Variants in KLC3 observed in about 807,000 individuals in gnomAD.
KLC3 encodes the protein kinesin light chain 3, also known as kinesin light chain 2.
A neutral mutation model predicts 62.9 loss-of-function variants in KLC3; 72 were observed. The observed-to-expected ratio is 1.15, with a 90% CI of 0.95 to 1.39. KLC3 has a LOEUF of 1.39. Ranked by LOEUF, KLC3 falls within the 40% of genes most tolerant of loss-of-function variation. The probability of loss-of-function intolerance (pLI) is 0.00; values close to 1 mark genes in which losing one functional copy is unlikely to be tolerated. For missense variants in KLC3, 848 were observed against 691.6 expected, an observed-to-expected ratio of 1.23 and a Z score of -2.54; for synonymous variants, 377 against 300.5, an observed-to-expected ratio of 1.25 and a Z score of -2.63.
Position 45,350,948 on chromosome 19 carries a change from TTGCAGAA to T in KLC3, c.1380-3_1383del. 6.2e-6 allele frequency: 10 copies of T among 1,613,862 alleles called. No individual in the cohort carries two copies. Among genetic ancestry groups the T allele is most frequent in the Non-Finnish European group, 7.6e-6 (9 of 1,179,854 alleles). On this transcript the variant is annotated splice_acceptor_variant and splice_polypyrimidine_tract_variant and coding_sequence_variant and intron_variant, in exon 12 of 13. Transcript: ENST00000391946. LOFTEE classifies it high-confidence loss of function. ...ACTCATTTCCTCCCTGCTGCCCTCT[TTGCAGAA>T]TGAAGAGAGCCATGTCACTCAACAC...
intron 12 of KLC3, 39 bp from the exon 13 acceptor site, chr19:45,351,243 GCCCC>G: frequency 6.4e-7 from 1 of 1,571,250 alleles, no homozygotes; most frequent in Non-Finnish European, 8.6e-7. Flanking sequence ...TGTAACACTT[GCCCC>G]TCACCTCCCC....
In KLC3 at chr19:45,349,418, CT is replaced by C. The variant is rs374420988; in HGVS notation, c.970-10del. The stretch of plus-strand genomic sequence containing the variant: ...GTATGATCCCTCTGACTTGTGACCC[CT>C]GGCCCCCAGGTCCTGGGTGCTGACC... On this transcript the variant is annotated splice_polypyrimidine_tract_variant and intron_variant, in intron 7 of 12. Transcript: ENST00000391946. 90 of 1,596,148 alleles carry C rather than the reference CT, an allele frequency of 5.6e-5. 3 individuals carry two copies. In the African/African-American group the frequency reaches 6.2e-4, roughly 11 times the overall value.
chr19:45,345,531 C>G lies in KLC3; in HGVS notation c.-8-3C>G. ...CCCCAAACCCCTCACCATTGCTCCC[C>G]AGGAGCAGCAATGTCTGTGCAGGTA... On this transcript the variant is annotated splice_polypyrimidine_tract_variant and splice_region_variant and intron_variant, in intron 1 of 12. Transcript: ENST00000391946. 1 of 1,560,190 alleles carries G rather than the reference C, an allele frequency of 6.4e-7. No individual in the cohort carries two copies. The highest frequency in any genetic ancestry group is 2.4e-5 in the East Asian group (1 of 41,822).
rs375385003 is a variant in KLC3 at position 45,346,795 on chromosome 19, C to A, written c.489+21C>A. ...GCCAGGTGCCACGGGCAGGGCGAGG[C>A]GGGGGGTGCTGGGCCCTTCATAGAG... On this transcript the variant is annotated intron_variant, in intron 3 of 12. Coordinates refer to ENST00000391946, the MANE Select transcript of KLC3 (RefSeq NM_177417.3). The A allele has an allele frequency of 4.5e-6, 7 of 1,551,746 alleles. No homozygotes were observed. The Admixed American group carries it at 1.2e-4, about 26-fold the overall frequency.
Position 45,348,642 on chromosome 19 carries a change from A to G in KLC3, c.780-4A>G, listed in dbSNP as rs1431577439. ...CCCCTCCATTCCTGGGGCGCCCCCC[A>G]CAGGGACCAGAACAAGTACAAAGAA... On this transcript the variant is annotated splice_polypyrimidine_tract_variant and splice_region_variant and intron_variant, in intron 5 of 12. Transcript: ENST00000391946. 1 of 1,570,816 alleles carries G rather than the reference A, an allele frequency of 6.4e-7. No homozygotes were observed. Among genetic ancestry groups the G allele is most frequent in the Admixed American group, 1.9e-5 (1 of 53,504 alleles).
At chr19:45,351,158 ATGGGTTTTACT>A in intron 12 of KLC3, 117 bp from the exon 13 acceptor site, 1 of 1,591,548 alleles carries the variant, frequency 6.3e-7, no homozygotes, top group South Asian at 1.1e-5. Context: ...AGGAGCAAAG[ATGGGTTTTACT>A]TGGGGTAGAG....
chr19:45,342,694 G>T (rs929286392), intron 1 of KLC3, among the ~76,000 whole-genome samples: 1 of 152,122 alleles, frequency 6.6e-6, no homozygotes, highest in Non-Finnish European at 1.5e-5. Flanking sequence ...TGAACCTGGG[G>T]AGGTGGAGAT....
rs1277330316 is a variant in KLC3 at position 45,346,691 on chromosome 19, T to C, written c.406T>C (p.Ser136Pro). Reference sequence around the variant, plus strand: ...GCGGCGGCTTCGGGCCAGCGAGGAGTCCGTGGCCCAGCTGGAGGAGGAGAA... The same window carrying C: ...GCGGCGGCTTCGGGCCAGCGAGGAGCCCGTGGCCCAGCTGGAGGAGGAGAA... Reference protein sequence around the residue: ...TQRRLRASEESVAQLEEEKRH... With the variant: ...TQRRLRASEEPVAQLEEEKRH... The change falls in exon 3 of 13, where the codon TCC (serine) becomes CCC (proline). Residue 136 changes from serine to proline, a missense_variant. Coordinates refer to ENST00000391946, the MANE Select transcript of KLC3 (RefSeq NM_177417.3). 1.6e-5 allele frequency: 25 copies of C among 1,566,160 alleles called. No homozygotes were observed. Among genetic ancestry groups the C allele is most frequent in the African/African-American group, 2.7e-5 (2 of 73,072 alleles).
Position 45,340,798 on chromosome 19 carries a change from G to GCGACTGAT in KLC3, c.-54_-47dup, listed in dbSNP as rs1230938265. On this transcript the variant is annotated 5_prime_UTR_variant, in exon 1 of 13. Transcript: ENST00000391946. ...GCGGGGCGTGCCTGGCCTGCGGGAC[G>GCGACTGAT]CGACTGATCGCAGTGGGGCGAAGCG... is the stretch of plus-strand genomic sequence containing the variant. 9.9e-5 allele frequency: 15 copies of GCGACTGAT among 152,218 alleles called. No individual in the cohort carries two copies. Among genetic ancestry groups the GCGACTGAT allele is most frequent in the Admixed American group, 2.0e-4 (3 of 15,294 alleles). The allele number at this position is 152,218 out of a possible 1,614,324, so 9.4% of individuals were successfully genotyped here.
chr19:45,349,399 T>G, intron 7 of KLC3, 30 bp from the exon 8 acceptor site: 1 of 1,577,134 alleles, frequency 6.3e-7, no homozygotes, highest in Non-Finnish European at 8.6e-7. Context: ...TCCTGTATGA[T>G]CCCTCTGACT....
chr19:45,350,275 GGC>G, intron 8 of KLC3, 64 bp from the exon 9 acceptor site: 1 of 1,164,436 alleles, frequency 8.6e-7, no homozygotes, highest in Non-Finnish European at 1.2e-6. Context: ...AAAAAAAAAA[GGC>G]GGGACTGGAT....
chr19:45,345,218 G>A (rs940005695), intron 1 of KLC3: 1 of 520,366 alleles, frequency 1.9e-6, no homozygotes, highest in Non-Finnish European at 3.4e-6. Flanking sequence ...GGCAGATGGG[G>A]GACCCCAGGC....
rs780394664 is a variant in KLC3, at chr19:45,350,446, CCT to C, written c.1234+16_1234+17del. On this transcript the variant is annotated intron_variant, in intron 9 of 12. Coordinates refer to ENST00000391946, the MANE Select transcript of KLC3 (RefSeq NM_177417.3). ...CGCCCCTCTCGGTGAGCCCCTAGCCCCTGTCTGTCTTCCCTCCTGGTGGCTTC... is the reference window on the plus strand; with the variant it reads ...CGCCCCTCTCGGTGAGCCCCTAGCCCGTCTGTCTTCCCTCCTGGTGGCTTC... The C allele has an allele frequency of 2.1e-5, 34 of 1,613,202 alleles. No individual in the cohort carries two copies. Among genetic ancestry groups the C allele is most frequent in the African/African-American group, 2.0e-4 (15 of 74,712 alleles).
Position 45,351,034 on chromosome 19 carries a change from G to C in KLC3, c.1443+17G>C. On this transcript the variant is annotated intron_variant, in intron 12 of 12. Transcript: ENST00000391946. The stretch of plus-strand genomic sequence containing the variant: ...GGGACTCAGGTGAGGGGGACATCTG[G>C]GTCAAAAATAGAGGAGGCCATGTGG... The C allele has an allele frequency of 6.2e-7, 1 of 1,613,998 alleles. No homozygotes were observed. Among genetic ancestry groups the C allele is most frequent in the Non-Finnish European group, 8.5e-7 (1 of 1,179,924 alleles).
At chr19:45,350,155 T>C (rs238419) in intron 8 of KLC3, 186 bp from the exon 9 acceptor site, 390,303 of 595,426 alleles carry the variant, frequency 0.66, 130,485 homozygotes, top group African/African-American at 0.9. Context: ...GACGTGGTGG[T>C]TCACGCTTGT....
chr19:45,350,896 T>C, intron 11 of KLC3, 58 bp from the exon 12 acceptor site: 4 of 1,569,310 alleles, frequency 2.5e-6, no homozygotes, highest in Non-Finnish European at 2.6e-6. Context: ...GAAAGGTCCC[T>C]CGTGGAGGGG....
intron 3 of KLC3, 55 bp from the exon 4 acceptor site, chr19:45,347,392 C>G: frequency 7.4e-7 from 1 of 1,353,178 alleles, no homozygotes; most frequent in Non-Finnish European, 1.0e-6. Flanking sequence ...GCCAGGGCCC[C>G]GGTCTCTGAA....
At chr19:45,350,275 G>T in intron 8 of KLC3, 66 bp from the exon 9 acceptor site, 2 of 1,164,428 alleles carry the variant, frequency 1.7e-6, no homozygotes, top group Non-Finnish European at 1.2e-6. Flanking sequence ...AAAAAAAAAA[G>T]GCGGGACTGG....
At chr19:45,342,453 G>A (rs969299948) in intron 1 of KLC3, among the ~76,000 whole-genome samples, 3 of 151,976 alleles carry the variant, frequency 2.0e-5, no homozygotes, top group Non-Finnish European at 2.9e-5. Flanking sequence ...GCATAGTTTA[G>A]TTTTTTAAAA....
Sources: allele counts gnomAD v4.1 joint callset (sites outside exome capture counted in the v4.1 genomes callset), GRCh38; gene constraint gnomAD v4.1.1; transcripts MANE v1.5; gene names NCBI Gene and HGNC (gene_info 2026-07-23, HGNC 2026-07-21).